LRP1B: variants seen among roughly 807,000 people sequenced by gnomAD.
LRP1B encodes the protein low-density lipoprotein receptor-related protein 1B.
A neutral mutation model predicts 556.6 loss-of-function variants in LRP1B; 217 were observed. That is an observed-to-expected ratio of 0.39 (90% CI 0.35 to 0.44). The LOEUF is 0.44. LRP1B is among the 20% of genes least tolerant of loss of function. LRP1B has a pLI of 1.00. For synonymous variants in LRP1B, 2,047 were observed against 1,865.8 expected, an observed-to-expected ratio of 1.10 and a Z score of -2.50; for missense variants, 5,053 against 5,620.8, an observed-to-expected ratio of 0.90 and a Z score of 3.23.
chr2:140,405,647 C>T (rs1053834059), intron 66 of LRP1B, among the ~76,000 whole-genome samples: 5 of 152,156 alleles, frequency 3.3e-5, no homozygotes, highest in Middle Eastern at 3.4e-3. Context: ...TAGATTAAAT[C>T]AGGAAGAAAT....
At chr2:141,929,314 C>T (rs1574501323) in intron 1 of LRP1B, among the ~76,000 whole-genome samples, 1 of 152,040 alleles carries the variant, frequency 6.6e-6, no homozygotes, top group African/African-American at 2.4e-5. Flanking sequence ...AATACATGCA[C>T]ACAAAATGTC....
chr2:140,471,509 C>T (rs1243074873), intron 60 of LRP1B, among the ~76,000 whole-genome samples: 3 of 152,036 alleles, frequency 2.0e-5, no homozygotes, highest in Admixed American at 6.6e-5. Flanking sequence ...TAATATAAAT[C>T]ATTTACTTAA....
chr2:141,991,369 C>CGTTTTGT (rs1237395843), intron 1 of LRP1B, among the ~76,000 whole-genome samples: 5 of 152,078 alleles, frequency 3.3e-5, no homozygotes, highest in African/African-American at 1.2e-4. Flanking sequence ...GAAAATTCCA[C>CGTTTTGT]GTTTTGTAAT....
chr2:140,363,936 T>A lies in LRP1B; in HGVS notation c.11131+725A>T, dbSNP rs543609726. 7.2e-5 allele frequency among the ~76,000 whole-genome samples: 11 copies of A among 151,766 alleles called. No homozygotes were observed. The East Asian group carries it at 1.4e-3, about 19-fold the overall frequency. On this transcript the variant is annotated intron_variant, in intron 72 of 90. Transcript: ENST00000389484. ...TTTAAAGTATAGGCGAAACTGCATT[T>A]CTTGCAGAGATTAGATAAAAAGTAT...
At chr2:140,787,675 A>T (rs1040236167) in intron 32 of LRP1B, among the ~76,000 whole-genome samples, 44 of 146,036 alleles carry the variant, frequency 3.0e-4, no homozygotes, top group African/African-American at 1.1e-3. Context: ...AGATCAGGCA[A>T]TCCTCCTAGC....
chr2:141,460,081 C>T (rs1333285024), intron 3 of LRP1B, among the ~76,000 whole-genome samples: 3 of 152,132 alleles, frequency 2.0e-5, no homozygotes, highest in Non-Finnish European at 4.4e-5. Flanking sequence ...ATTTTAGCTG[C>T]TTCCTAAGAT....
rs183300058 is a variant in LRP1B at position 140,478,278 on chromosome 2, T to C, written c.9426-2941A>G. ...CATTCTCCTGCCTCAGCCTCCTGAG[T>C]AGCTGGGACTACAGGGGCCCGCCAC... On this transcript the variant is annotated intron_variant, in intron 59 of 90. Coordinates refer to ENST00000389484, the MANE Select transcript of LRP1B (RefSeq NM_018557.3). Among the ~76,000 whole-genome samples, 664 of 151,120 alleles carry C rather than the reference T, an allele frequency of 4.4e-3. 4 individuals are homozygous for C. The highest frequency in any genetic ancestry group is 0.015 in the African/African-American group (598 of 41,154).
chr2:140,568,321 A>G (rs1313707217), intron 43 of LRP1B, among the ~76,000 whole-genome samples: 1 of 151,966 alleles, frequency 6.6e-6, no homozygotes, highest in Non-Finnish European at 1.5e-5. Flanking sequence ...AAACCCTGAA[A>G]CTAATTCCAT....
chr2:140,563,708 C>T (rs1392839258), intron 43 of LRP1B, among the ~76,000 whole-genome samples: 2 of 152,130 alleles, frequency 1.3e-5, no homozygotes, highest in Admixed American at 1.3e-4. Flanking sequence ...TACTGCTTTC[C>T]GTGTTGAGTG....
At chr2:140,850,708 C>G (rs4954676) in intron 28 of LRP1B, among the ~76,000 whole-genome samples, 126,958 of 152,084 alleles carry the variant, frequency 0.83, 53,695 homozygotes, top group Non-Finnish European at 0.91. Flanking sequence ...GGGAATCTAA[C>G]AACTTTTTTC....
chr2:141,537,111 T>C lies in LRP1B; in HGVS notation c.206-56578A>G, dbSNP rs180742383. 9.9e-5 allele frequency among the ~76,000 whole-genome samples: 15 copies of C among 152,190 alleles called. No homozygotes were observed. The East Asian group carries it at 2.9e-3, about 29-fold the overall frequency. ...AAATAACTAAGAGCACATGCCTCTT[T>C]GTTTAAAACATTTCTTTATCAAATA... is the stretch of plus-strand genomic sequence containing the variant. On this transcript the variant is annotated intron_variant, in intron 2 of 90. Coordinates refer to ENST00000389484, the MANE Select transcript of LRP1B (RefSeq NM_018557.3).
chr2:140,890,446 C>A (rs1170341761), intron 23 of LRP1B, among the ~76,000 whole-genome samples: 1 of 152,076 alleles, frequency 6.6e-6, no homozygotes, highest in Non-Finnish European at 1.5e-5. Context: ...TGAACAATGA[C>A]CTTTACATTG....
At chr2:141,386,256 A>T (rs1374239135) in intron 3 of LRP1B, among the ~76,000 whole-genome samples, 1 of 152,116 alleles carries the variant, frequency 6.6e-6, no homozygotes, top group Non-Finnish European at 1.5e-5. Flanking sequence ...CCCCCCAAAA[A>T]TCCAAAATCC....
chr2:140,873,197 G>A (rs188373655), intron 25 of LRP1B, among the ~76,000 whole-genome samples: 6 of 152,018 alleles, frequency 3.9e-5, no homozygotes, highest in South Asian at 4.2e-4. Flanking sequence ...TATCCCTGCC[G>A]AATATTATAA....
intron 32 of LRP1B, among the ~76,000 whole-genome samples, chr2:140,801,185 G>A (rs1690496732): frequency 6.6e-6 from 1 of 152,096 alleles, no homozygotes; most frequent in Non-Finnish European, 1.5e-5. Flanking sequence ...ATGGAGAAGC[G>A]AGACCTGTTC....
chr2:142,024,454 T>C (rs1703439589), intron 1 of LRP1B, among the ~76,000 whole-genome samples: 2 of 152,160 alleles, frequency 1.3e-5, no homozygotes, highest in Non-Finnish European at 2.9e-5. Flanking sequence ...TGATGGTTCC[T>C]ATCCTTTCCC....
chr2:141,005,639 G>C (rs1697551669), intron 14 of LRP1B, among the ~76,000 whole-genome samples, 182 bp from the exon 15 acceptor site: 1 of 151,972 alleles, frequency 6.6e-6, no homozygotes, highest in Admixed American at 6.6e-5. Context: ...GTGGTGCATT[G>C]GTAGATAAGG....
intron 87 of LRP1B, among the ~76,000 whole-genome samples, chr2:140,244,461 A>C (rs1452832825): frequency 6.6e-6 from 1 of 151,360 alleles, no homozygotes; most frequent in Non-Finnish European, 1.5e-5. Context: ...CTGATCATTC[A>C]ATGCTCAATT....
intron 7 of LRP1B, among the ~76,000 whole-genome samples, chr2:141,111,113 C>A (rs1317188056): frequency 6.6e-6 from 1 of 151,890 alleles, no homozygotes; most frequent in Non-Finnish European, 1.5e-5. Flanking sequence ...AGTCAAAACA[C>A]CTCCGTATTT....
Sources: allele counts gnomAD v4.1 joint callset (sites outside exome capture counted in the v4.1 genomes callset), GRCh38; gene constraint gnomAD v4.1.1; transcripts MANE v1.5; gene names NCBI Gene and HGNC (gene_info 2026-07-23, HGNC 2026-07-21).